The following GTF2H4 variants were observed in gnomAD, a reference collection of about 807,000 sequenced individuals.
GTF2H4 encodes general transcription factor IIH subunit 4, also known as BTF2 p52.
A neutral mutation model predicts 62.2 loss-of-function variants in GTF2H4; 49 were observed. The observed-to-expected ratio is 0.79, with a 90% CI of 0.63 to 1.00. The LOEUF (loss-of-function observed/expected upper bound fraction) is 1.00, where lower values mean the gene tolerates loss of function less well. GTF2H4 is among the 50% of genes least tolerant of loss of function. The pLI, the probability that GTF2H4 is intolerant of heterozygous loss-of-function variation, is 0.00. For missense variants in GTF2H4, 479 were observed against 587.8 expected, an observed-to-expected ratio of 0.81 and a Z score of 1.91; for synonymous variants, 189 against 233.8, an observed-to-expected ratio of 0.81 and a Z score of 1.75.
In GTF2H4 at chr6:30,910,026, A is replaced by G. The variant is rs146983488; in HGVS notation, c.337A>G (p.Ile113Val). The change falls in exon 4 of 14, where the codon ATT becomes GTT. Residue 113 changes from isoleucine to valine, a missense_variant. Coordinates refer to ENST00000259895, the MANE Select transcript of GTF2H4 (RefSeq NM_001517.5). The surrounding 1 kb of genome is among the most constrained non-coding windows in gnomAD (Gnocchi z 4.7). ...GGLQGLILNPIFRQNLRIALL... is the reference protein window; with the variant it reads ...GGLQGLILNPVFRQNLRIALL... ...GCTCCAGGGCCTCATCCTCAACCCCATTTTCCGCCAGAACCTCCGCATTGC... is the reference window on the plus strand; with the variant it reads ...GCTCCAGGGCCTCATCCTCAACCCCGTTTTCCGCCAGAACCTCCGCATTGC... 4.3e-6 allele frequency: 7 copies of G among 1,612,134 alleles called. No homozygotes were observed. Among genetic ancestry groups the G allele is most frequent in the Admixed American group, 1.7e-5 (1 of 59,926 alleles).
chr6:30,911,800 A>G lies in GTF2H4; in HGVS notation c.825+33A>G, dbSNP rs534406135. ...CGCCTAGATAAGTGGCTTCCAGGGA[A>G]GAAACAGGGTGGTGTGTTGCCTTTG... On this transcript the variant is annotated intron_variant, in intron 9 of 13. Coordinates refer to ENST00000259895, the MANE Select transcript of GTF2H4 (RefSeq NM_001517.5). This position sits in a 1 kb window ranked among gnomAD's most constrained non-coding sequence, Gnocchi z 4.3. 2.5e-6 allele frequency: 4 copies of G among 1,574,610 alleles called. No individual in the cohort carries two copies. In the African/African-American group the frequency reaches 4.0e-5, roughly 16 times the overall value.
Position 30,910,929 on chromosome 6 carries a change from G to C in GTF2H4, c.548G>C (p.Gly183Ala). The C allele has an allele frequency of 6.2e-7, 1 of 1,608,046 alleles. No individual in the cohort carries two copies. The change falls in exon 6 of 14, where the codon GGG (glycine) becomes GCG (alanine). Residue 183 changes from glycine to alanine, a missense_variant. Coordinates refer to ENST00000259895, the MANE Select transcript of GTF2H4 (RefSeq NM_001517.5). This position sits in a 1 kb window ranked among gnomAD's most constrained non-coding sequence, Gnocchi z 4.7. ...TTGGCTCAGCTCCTCAGCCAGGCTG[G>C]GCTCATGAAGAGGTGAGGAAGCCGG... ...QDLAQLLSQAGLMKSTEPGEP... is the reference protein window; with the variant it reads ...QDLAQLLSQAALMKSTEPGEP...
In GTF2H4 at chr6:30,913,917, G is replaced by A; in HGVS notation, c.1323G>A (p.Met441Ile). 1 of 1,609,642 alleles carries A rather than the reference G, an allele frequency of 6.2e-7. No individual in the cohort carries two copies. The highest frequency in any genetic ancestry group is 1.7e-4 in the Middle Eastern group (1 of 5,724). ...LVFENSAKRL[M>I]VVTPAGHSDV... ...TCGAGAACTCGGCCAAGCGGCTCAT[G>A]GTGGTGACCCCGGCCGGGCACAGCG... The change falls in exon 14 of 14, where the codon ATG becomes ATA. Residue 441 changes from methionine (M) to isoleucine (I), a missense_variant. By Grantham distance (10) the Met-to-Ile change is conservative. Transcript: ENST00000259895. This position sits in a 1 kb window ranked among gnomAD's most constrained non-coding sequence, Gnocchi z 4.2.
At position 30,910,160 on chromosome 6, in the gene GTF2H4, C is replaced by T. The variant is rs2150535263; in HGVS notation, c.374+97C>T. ...GGGAGGGGGAGCTCCTGGGGGCCTC[C>T]CCAGAACCTTGTGGTCTCCACGTTG... On this transcript the variant is annotated intron_variant, in intron 4 of 13. Coordinates refer to ENST00000259895, the MANE Select transcript of GTF2H4 (RefSeq NM_001517.5). The surrounding 1 kb of genome is among the most constrained non-coding windows in gnomAD (Gnocchi z 4.7). The T allele has an allele frequency of 1.5e-6, 2 of 1,371,366 alleles. No individual in the cohort carries two copies. The highest frequency in any genetic ancestry group is 2.0e-6 in the Non-Finnish European group (2 of 987,660). 84.9% of individuals were successfully genotyped at this position (1,371,366 alleles called of 1,614,324 possible).
chr6:30,911,940 A>G lies in GTF2H4; in HGVS notation c.826-74A>G, dbSNP rs1003017365. On this transcript the variant is annotated intron_variant, in intron 9 of 13. Transcript: ENST00000259895. This position sits in a 1 kb window ranked among gnomAD's most constrained non-coding sequence, Gnocchi z 4.3. ...GTTGAGGTTCTGCATCTTGGGAGGG[A>G]TCTGATATTTCAGGCAGGAAGATGT... is the stretch of plus-strand genomic sequence containing the variant. 7.1e-6 allele frequency: 11 copies of G among 1,558,728 alleles called. No individual in the cohort carries two copies. Among genetic ancestry groups the G allele is most frequent in the Non-Finnish European group, 9.6e-6 (11 of 1,141,912 alleles).
At chr6:30,908,494 C>T (rs1237798008) in intron 1 of GTF2H4, 91 bp downstream of exon 1, 1 of 174,032 alleles carries the variant, frequency 5.7e-6, no homozygotes, top group Non-Finnish European at 1.3e-5. Flanking sequence ...CAGGGAGAAG[C>T]TAGGAGATCG....
At position 30,912,555 on chromosome 6, in the gene GTF2H4, A is replaced by G. The variant is rs1793824158; in HGVS notation, c.1089+97A>G. 2.7e-6 allele frequency: 4 copies of G among 1,463,242 alleles called. No homozygotes were observed. The highest frequency in any genetic ancestry group is 2.4e-5 in the South Asian group (2 of 84,428). The allele number at this position is 1,463,242 out of a possible 1,614,324, so 90.6% of individuals were successfully genotyped here. On this transcript the variant is annotated intron_variant, in intron 11 of 13. Coordinates refer to ENST00000259895, the MANE Select transcript of GTF2H4 (RefSeq NM_001517.5). The surrounding 1 kb of genome is among the most constrained non-coding windows in gnomAD (Gnocchi z 4.8). ...ATGGAAGGCTAGCTCTGAGTCTGTT[A>G]TAATAGGTGGTGGTGAGTTGTCTGT... is the stretch of plus-strand genomic sequence containing the variant.
chr6:30,913,338 C>T lies in GTF2H4; in HGVS notation c.1167C>T (p.Asp389=), dbSNP rs960668238. Residue 389 remains aspartate (D), a synonymous_variant, in exon 13 of 14, where the codon GAC becomes GAT. Coordinates refer to ENST00000259895, the MANE Select transcript of GTF2H4 (RefSeq NM_001517.5). This position sits in a 1 kb window ranked among gnomAD's most constrained non-coding sequence, Gnocchi z 4.2. ...CTGTGCTGCCCCCCACCATCACCGA[C>T]CAGATCCGGCTCTGGGAGCTGGAAA... The part of the protein sequence containing the change: ...QTPVLPPTIT[D]QIRLWELERD... The T allele has an allele frequency of 6.6e-5, 107 of 1,613,324 alleles. No homozygotes were observed. Among genetic ancestry groups the T allele is most frequent in the Non-Finnish European group, 8.5e-5 (100 of 1,180,042 alleles).
At chr6:30,908,584 G>A (rs1320469937) in intron 1 of GTF2H4, among the ~76,000 whole-genome samples, 181 bp downstream of exon 1, 1 of 152,168 alleles carries the variant, frequency 6.6e-6, no homozygotes, top group Non-Finnish European at 1.5e-5. Context: ...GAAGCATGGA[G>A]GGGAGAGGTT....
In GTF2H4 at chr6:30,910,205, G is replaced by A. The variant is rs1405053948; in HGVS notation, c.374+142G>A. ...ACGTTGGGAACTCCTTTAGGAGTAA[G>A]TTGGACCAGATGTAGTGTGTGGTGT... is the stretch of plus-strand genomic sequence containing the variant. On this transcript the variant is annotated intron_variant, in intron 4 of 13. Coordinates refer to ENST00000259895, the MANE Select transcript of GTF2H4 (RefSeq NM_001517.5). This position sits in a 1 kb window ranked among gnomAD's most constrained non-coding sequence, Gnocchi z 4.7. The A allele has an allele frequency of 4.8e-6, 4 of 838,552 alleles. No homozygotes were observed. The highest frequency in any genetic ancestry group is 1.9e-6 in the Non-Finnish European group (1 of 526,104). The allele number at this position is 838,552 out of a possible 1,614,324, so 51.9% of individuals were successfully genotyped here. A position where few individuals can be genotyped will look rare whatever the true frequency, so the allele number is the denominator to read the frequency against.
rs375640611 is a variant in GTF2H4, at chr6:30,911,261, A to C, written c.664A>C (p.Thr222Pro). ...GTACTTTATGTTGCAGTATTTGCAGACAGCCCAGGTGAGGAGGCAGGGCCA... is the reference window on the plus strand; with the variant it reads ...GTACTTTATGTTGCAGTATTTGCAGCCAGCCCAGGTGAGGAGGCAGGGCCA... ...LWYFMLQYLQTAQSRGMDLVE... is the reference protein window; with the variant it reads ...LWYFMLQYLQPAQSRGMDLVE... Residue 222 changes from threonine to proline, a missense_variant, in exon 7 of 14, where the codon ACA becomes CCA. Physicochemically the swap from Thr to Pro is conservative, Grantham distance 38. Transcript: ENST00000259895. This position sits in a 1 kb window ranked among gnomAD's most constrained non-coding sequence, Gnocchi z 4.3. The C allele has an allele frequency of 2.5e-6, 4 of 1,612,704 alleles. No individual in the cohort carries two copies. Among genetic ancestry groups the C allele is most frequent in the Non-Finnish European group, 3.4e-6 (4 of 1,179,518 alleles).
In GTF2H4 at chr6:30,910,355, A is replaced by G. The variant is rs936035263; in HGVS notation, c.374+292A>G. On this transcript the variant is annotated intron_variant, in intron 4 of 13. Coordinates refer to ENST00000259895, the MANE Select transcript of GTF2H4 (RefSeq NM_001517.5). The surrounding 1 kb of genome is among the most constrained non-coding windows in gnomAD (Gnocchi z 4.7). ...TCTGTTTTGTTTGTTTTTGAGACAGAGTCTCACTCTGTCACCAAGGCCAGA... is the reference window on the plus strand; with the variant it reads ...TCTGTTTTGTTTGTTTTTGAGACAGGGTCTCACTCTGTCACCAAGGCCAGA... 6.6e-6 allele frequency among the ~76,000 whole-genome samples: 1 copy of G among 152,032 alleles called. No individual in the cohort carries two copies. The highest frequency in any genetic ancestry group is 1.5e-5 in the Non-Finnish European group (1 of 68,006).
rs1793729797 is a variant in GTF2H4 at position 30,910,790 on chromosome 6, G to T, written c.471+29G>T. On this transcript the variant is annotated intron_variant, in intron 5 of 13. Coordinates refer to ENST00000259895, the MANE Select transcript of GTF2H4 (RefSeq NM_001517.5). The surrounding 1 kb of genome is among the most constrained non-coding windows in gnomAD (Gnocchi z 4.7). ...AGCACTTGGGAGTGTGTGTGTCTCT[G>T]CTTGTGCTTCTACTTCCCATGGCCC... The T allele has an allele frequency of 6.2e-7, 1 of 1,604,776 alleles. No homozygotes were observed. The highest frequency in any genetic ancestry group is 2.2e-5 in the East Asian group (1 of 44,804).
rs1233905117 is a variant in GTF2H4 at position 30,910,574 on chromosome 6, G to T, written c.375-91G>T. On this transcript the variant is annotated intron_variant, in intron 4 of 13. Coordinates refer to ENST00000259895, the MANE Select transcript of GTF2H4 (RefSeq NM_001517.5). The surrounding 1 kb of genome is among the most constrained non-coding windows in gnomAD (Gnocchi z 4.7). ...TTGAACTCCTGACCTCAAGTGATCC[G>T]CCCATCTCGGCCTCCCAAAGTACAG... The T allele has an allele frequency of 9.0e-6, 8 of 884,874 alleles. No homozygotes were observed. Among genetic ancestry groups the T allele is most frequent in the East Asian group, 2.5e-5 (1 of 39,602 alleles). The allele number at this position is 884,874 out of a possible 1,614,324, so 54.8% of individuals were successfully genotyped here.
rs766134706 is a variant in GTF2H4 at position 30,912,003 on chromosome 6, A to G, written c.826-11A>G. The G allele has an allele frequency of 2.3e-5, 37 of 1,612,644 alleles. No individual in the cohort carries two copies. Among genetic ancestry groups the G allele is most frequent in the Non-Finnish European group, 2.8e-5 (33 of 1,179,894 alleles). The stretch of plus-strand genomic sequence containing the variant: ...TCTGAGACAAGGCATCTGCCTTTCT[A>G]TTCTTTTCAGAGGAAATCTCGGCGT... On this transcript the variant is annotated splice_polypyrimidine_tract_variant and intron_variant, in intron 9 of 13. Coordinates refer to ENST00000259895, the MANE Select transcript of GTF2H4 (RefSeq NM_001517.5). The surrounding 1 kb of genome is among the most constrained non-coding windows in gnomAD (Gnocchi z 4.8).
At position 30,909,891 on chromosome 6, in the gene GTF2H4, G is replaced by T; in HGVS notation, c.243-41G>T. 6.3e-7 allele frequency: 1 copy of T among 1,575,770 alleles called. No homozygotes were observed. The highest frequency in any genetic ancestry group is 1.9e-5 in the Admixed American group (1 of 51,664). On this transcript the variant is annotated intron_variant, in intron 3 of 13. Coordinates refer to ENST00000259895, the MANE Select transcript of GTF2H4 (RefSeq NM_001517.5). This position sits in a 1 kb window ranked among gnomAD's most constrained non-coding sequence, Gnocchi z 4.3. The stretch of plus-strand genomic sequence containing the variant: ...GGTGGCTTTTATGGGCCTCCTTTTT[G>T]TTTTCCAAATACCCTACTCACCTCT...
At position 30,912,187 on chromosome 6, in the gene GTF2H4, G is replaced by T; in HGVS notation, c.958+41G>T. The T allele has an allele frequency of 6.2e-7, 1 of 1,610,522 alleles. No homozygotes were observed. Among genetic ancestry groups the T allele is most frequent in the Non-Finnish European group, 8.5e-7 (1 of 1,178,378 alleles). ...GGGCCCCTGGAAGAGGAGGTTGGGG[G>T]TGAGGGAATGCCAGTTTATGTTCGT... On this transcript the variant is annotated intron_variant, in intron 10 of 13. Transcript: ENST00000259895. The surrounding 1 kb of genome is among the most constrained non-coding windows in gnomAD (Gnocchi z 4.8).
chr6:30,909,042 G>T lies in GTF2H4; in HGVS notation c.6G>T (p.Glu2Asp). Residue 2 changes from glutamate (E) to aspartate (D), a missense_variant, in exon 2 of 14, where the codon GAG (glutamate) becomes GAT (aspartate). Physicochemically the swap from Glu to Asp is conservative, Grantham distance 45. Transcript: ENST00000259895. The surrounding 1 kb of genome is among the most constrained non-coding windows in gnomAD (Gnocchi z 4.3). The stretch of plus-strand genomic sequence containing the variant: ...ACGTTTGCATTCCTCAGGTGATGGA[G>T]AGCACCCCTTCAAGGGGACTGAACC... M[E>D]STPSRGLNRV... 6.2e-7 allele frequency: 1 copy of T among 1,614,104 alleles called. No individual in the cohort carries two copies. Among genetic ancestry groups the T allele is most frequent in the Non-Finnish European group, 8.5e-7 (1 of 1,180,022 alleles).
In GTF2H4 at chr6:30,913,687, C is replaced by A; in HGVS notation, c.1217-124C>A. ...CATAGAGAATTAGTTTGTAAAATTG[C>A]GGTGGGGGCAAGCCCAGACCGCGTC... On this transcript the variant is annotated intron_variant, in intron 13 of 13. Coordinates refer to ENST00000259895, the MANE Select transcript of GTF2H4 (RefSeq NM_001517.5). The surrounding 1 kb of genome is among the most constrained non-coding windows in gnomAD (Gnocchi z 4.2). 5 of 893,234 alleles carry A rather than the reference C, an allele frequency of 5.6e-6. No homozygotes were observed. The highest frequency in any genetic ancestry group is 8.3e-6 in the Non-Finnish European group (5 of 599,356). The allele number at this position is 893,234 out of a possible 1,614,324, so 55.3% of individuals were successfully genotyped here.
Sources: allele counts gnomAD v4.1 joint callset (sites outside exome capture counted in the v4.1 genomes callset), GRCh38; gene constraint gnomAD v4.1.1; non-coding constraint Gnocchi (gnomAD v3.1); transcripts MANE v1.5; gene names NCBI Gene and HGNC (gene_info 2026-07-23, HGNC 2026-07-21).